The following SPIN3 variants were observed in gnomAD, a reference collection of about 807,000 sequenced individuals.
SPIN3 encodes spindlin-3.
For missense variants in SPIN3, 176 were observed against 196.4 expected (o/e 0.90, Z 0.62); for synonymous variants, 74 against 74.3 (o/e 1.00, Z 0.02).
chrX:56,995,074 G>T (rs1924460637), intron 1 of SPIN3, 125 bp from the exon 2 acceptor site: 2 of 804,347 alleles, frequency 2.5e-6, no homozygotes, highest in Admixed American at 4.1e-5. Context: ...TTTCCCGAAA[G>T]CTAGATAGCA....
downstream of SPIN3, chrX:56,975,986 G>C (rs943848484): frequency 1.8e-5 from 2 of 111,721 alleles, no homozygotes; most frequent in Non-Finnish European, 3.8e-5. Context: ...CAATGTGTAT[G>C]GTTCTCATAA....
At chrX:56,986,766 G>A (rs1924229879), downstream of SPIN3, among the ~76,000 whole-genome samples, 1 of 112,491 alleles carries the variant, frequency 8.9e-6, no homozygotes, top group Non-Finnish European at 1.9e-5. Context: ...GGTAGAGGAA[G>A]AAATCTGCCC....
At chrX:56,984,609 T>C in intron 2 of SPIN3, 1 of 295,223 alleles carries the variant, frequency 3.4e-6, no homozygotes, top group South Asian at 3.2e-5. Flanking sequence ...ACACTTCGTT[T>C]ACCTCCTACC....
chrX:56,979,465 A>G (rs769854079), intron 3 of SPIN3: 1 of 112,425 alleles, frequency 8.9e-6, no homozygotes, highest in South Asian at 3.7e-4. Flanking sequence ...AAAGTACACT[A>G]AAAGAACCAA....
At chrX:56,988,020 ACTCT>A (rs769561681), downstream of SPIN3, among the ~76,000 whole-genome samples, 5 of 111,699 alleles carry the variant, frequency 4.5e-5, no homozygotes, top group African/African-American at 9.7e-5. Flanking sequence ...AAAGAGTGTT[ACTCT>A]CTCTATCAAG....
chrX:56,976,246 T>C (rs932750789), downstream of SPIN3: 1 of 111,825 alleles, frequency 8.9e-6, no homozygotes, highest in Non-Finnish European at 1.9e-5. Context: ...ATGATCTCTC[T>C]TATTTACCTT....
At position 56,984,438 on chromosome X, in the gene SPIN3, A is replaced by G; in HGVS notation, c.*32T>C. 5 of 323,114 alleles carry G rather than the reference A, an allele frequency of 1.5e-5. 1 individual carries two copies. The highest frequency in any genetic ancestry group is 3.0e-5 in the Non-Finnish European group (5 of 168,052). The allele number at this position is 323,114 out of a possible 1,213,427, so 26.6% of individuals were successfully genotyped here. A position where few individuals can be genotyped will look rare whatever the true frequency, so the allele number is the denominator to read the frequency against. On this transcript the variant is annotated 3_prime_UTR_variant and NMD_transcript_variant, in exon 3 of 6. Coordinates refer to the SPIN3 transcript ENST00000475785. ...ACTTTGATACAATGAAAAGAAAGTC[A>G]TGTATGGGTTCTTGGTGGTGGGCAG...
rs368024081 is a variant in SPIN3 at position 56,990,880 on chromosome X, A to G, written c.*3291T>C. 1 of 107,124 alleles carries G rather than the reference A, an allele frequency of 9.3e-6. No homozygotes were observed. Among genetic ancestry groups the G allele is most frequent in the African/African-American group, 3.4e-5 (1 of 29,691 alleles). 8.8% of individuals were successfully genotyped at this position (107,124 alleles called of 1,213,427 possible). A position where few individuals can be genotyped will look rare whatever the true frequency, so the allele number is the denominator to read the frequency against. The stretch of plus-strand genomic sequence containing the variant: ...TATATTGTTCAGTGAAAAAAGCAAA[A>G]TTCAGAACAGCATGTATAGTATGCC... On this transcript the variant is annotated 3_prime_UTR_variant, in exon 2 of 2. Coordinates refer to ENST00000374919, the MANE Select transcript of SPIN3 (RefSeq NM_001010862.3).
In SPIN3 at chrX:56,993,979, C is replaced by A. The variant is rs943620311; in HGVS notation, c.*192G>T. On this transcript the variant is annotated 3_prime_UTR_variant, in exon 2 of 2. Transcript: ENST00000374919. Reference sequence around the variant, plus strand: ...TAATCAGTTAAATTGCGGAGAGGAACCAGTGAAAAGGTTGGACAGATGGGC... The same window carrying A: ...TAATCAGTTAAATTGCGGAGAGGAAACAGTGAAAAGGTTGGACAGATGGGC... 5.0e-6 allele frequency: 2 copies of A among 399,063 alleles called. No homozygotes were observed. Among genetic ancestry groups the A allele is most frequent in the Non-Finnish European group, 8.5e-6 (2 of 236,144 alleles). The allele number at this position is 399,063 out of a possible 1,213,427, so 32.9% of individuals were successfully genotyped here. A position where few individuals can be genotyped will look rare whatever the true frequency, so the allele number is the denominator to read the frequency against.
intron 3 of SPIN3, chrX:56,982,250 T>C (rs754939393): frequency 1.6e-3 from 174 of 111,264 alleles, no homozygotes; most frequent in African/African-American, 5.4e-3. Context: ...CTATAACTCC[T>C]GCCCAGATTC....
downstream of SPIN3, chrX:56,975,290 G>A (rs1208439701): frequency 9.0e-6 from 1 of 111,174 alleles, no homozygotes; most frequent in Non-Finnish European, 1.9e-5. Context: ...ACATTGATTC[G>A]GTCCAGAAAG....
chrX:56,992,904 G>A lies in SPIN3; in HGVS notation c.*1267C>T. The A allele has an allele frequency of 6.7e-6, 1 of 150,253 alleles. No individual in the cohort carries two copies. Among genetic ancestry groups the A allele is most frequent in the Non-Finnish European group, 1.3e-5 (1 of 77,838 alleles). 12.4% of individuals were successfully genotyped at this position (150,253 alleles called of 1,213,427 possible). A position where few individuals can be genotyped will look rare whatever the true frequency, so the allele number is the denominator to read the frequency against. ...TCTGCATATAAGTTTCTTAGGGCCA[G>A]CCAAGAAACAGGATAGTTAAAAATC... On this transcript the variant is annotated 3_prime_UTR_variant, in exon 2 of 2. Coordinates refer to ENST00000374919, the MANE Select transcript of SPIN3 (RefSeq NM_001010862.3).
chrX:56,987,096 A>C (rs1924237066), downstream of SPIN3, among the ~76,000 whole-genome samples: 1 of 112,156 alleles, frequency 8.9e-6, no homozygotes, highest in South Asian at 3.7e-4. Context: ...GGGCCATTGC[A>C]TTCCAGCCTG....
rs1036647450 is a variant in SPIN3 at position 56,991,870 on chromosome X, T to C, written c.*2301A>G. 3 of 255,888 alleles carry C rather than the reference T, an allele frequency of 1.2e-5. No individual in the cohort carries two copies. Among genetic ancestry groups the C allele is most frequent in the African/African-American group, 5.6e-5 (2 of 35,631 alleles). The allele number at this position is 255,888 out of a possible 1,213,427, so 21.1% of individuals were successfully genotyped here. On this transcript the variant is annotated 3_prime_UTR_variant, in exon 2 of 2. Coordinates refer to ENST00000374919, the MANE Select transcript of SPIN3 (RefSeq NM_001010862.3). Reference sequence around the variant, plus strand: ...CCTAATTTACAATTATGTCCAGCCATATTTCCTGACATAGCTGACAACAAT... The same window carrying C: ...CCTAATTTACAATTATGTCCAGCCACATTTCCTGACATAGCTGACAACAAT...
intron 4 of SPIN3, chrX:56,978,479 A>G (rs1347356337): frequency 9.0e-6 from 1 of 111,517 alleles, no homozygotes; most frequent in Non-Finnish European, 1.9e-5. Flanking sequence ...TTGGTAGGAG[A>G]CTCTGGGATG....
At chrX:56,985,206 G>A (rs781067606) in intron 2 of SPIN3, among the ~76,000 whole-genome samples, 2 of 111,983 alleles carry the variant, frequency 1.8e-5, no homozygotes, top group African/African-American at 3.2e-5. Context: ...TTTATAGCCC[G>A]TCCTTAAAAC....
Position 56,994,067 on chromosome X carries a change from G to T in SPIN3, c.*104C>A. The stretch of plus-strand genomic sequence containing the variant: ...TTCCAATTTTTTTGCCAAGCAAAAC[G>T]TGCAAAAAGGGAGAAGATGGTTCTT... On this transcript the variant is annotated 3_prime_UTR_variant, in exon 2 of 2. Coordinates refer to ENST00000374919, the MANE Select transcript of SPIN3 (RefSeq NM_001010862.3). 1.1e-6 allele frequency: 1 copy of T among 907,396 alleles called. No homozygotes were observed. The highest frequency in any genetic ancestry group is 1.5e-6 in the Non-Finnish European group (1 of 677,635). 74.8% of individuals were successfully genotyped at this position (907,396 alleles called of 1,213,427 possible). A position where few individuals can be genotyped will look rare whatever the true frequency, so the allele number is the denominator to read the frequency against.
In SPIN3 at chrX:56,992,423, T is replaced by C. The variant is rs763666451; in HGVS notation, c.*1748A>G. ...GAACATAGGGCAATACAGACCCACA[T>C]TGCTGTTGTCAGTCAAACATCATAG... On this transcript the variant is annotated 3_prime_UTR_variant, in exon 2 of 2. Transcript: ENST00000374919. 1.4e-5 allele frequency: 4 copies of C among 295,605 alleles called. No homozygotes were observed. In the South Asian group the frequency reaches 8.3e-4, roughly 62 times the overall value. 24.4% of individuals were successfully genotyped at this position (295,605 alleles called of 1,213,427 possible). A position where few individuals can be genotyped will look rare whatever the true frequency, so the allele number is the denominator to read the frequency against.
chrX:56,978,513 T>C (rs1269570515), intron 4 of SPIN3: 1 of 111,866 alleles, frequency 8.9e-6, no homozygotes, highest in Non-Finnish European at 1.9e-5. Flanking sequence ...ATAGTTGTAA[T>C]TATATTCAGT....
Sources: allele counts gnomAD v4.1 joint callset (sites outside exome capture counted in the v4.1 genomes callset), GRCh38; gene constraint gnomAD v4.1.1; transcripts MANE v1.5; gene names NCBI Gene and HGNC (gene_info 2026-07-23, HGNC 2026-07-21).